The following TMEM117 variants were observed in gnomAD, a reference collection of about 807,000 sequenced individuals.
TMEM117 encodes the protein transmembrane protein 117.
A neutral mutation model predicts 52.4 loss-of-function variants in TMEM117; 27 were observed. The ratio of observed to expected loss-of-function variants is 0.51; its 90% CI spans 0.38 to 0.71. TMEM117 has a LOEUF of 0.71. Among genes scored for constraint, TMEM117 ranks in the 30% least tolerant of loss-of-function variants. The pLI is 0.00. For missense variants in TMEM117, 556 were observed against 630.5 expected, an observed-to-expected ratio of 0.88 and a Z score of 1.26; for synonymous variants, 215 against 206.3, an observed-to-expected ratio of 1.04 and a Z score of -0.36.
chr12:43,869,108 A>C (rs1565727398), intron 2 of TMEM117, among the ~76,000 whole-genome samples: 1 of 152,158 alleles, frequency 6.6e-6, no homozygotes, highest in East Asian at 1.9e-4. Flanking sequence ...AATAGAAAAA[A>C]ATTCTTGATA....
At chr12:44,221,467 G>A (rs1234680318) in intron 5 of TMEM117, among the ~76,000 whole-genome samples, 1 of 151,916 alleles carries the variant, frequency 6.6e-6, no homozygotes, top group Non-Finnish European at 1.5e-5. Flanking sequence ...TTCAGTATAG[G>A]GATAAATCAA....
intron 2 of TMEM117, among the ~76,000 whole-genome samples, chr12:43,850,066 G>A (rs1943279624): frequency 6.6e-6 from 1 of 152,180 alleles, no homozygotes; most frequent in Non-Finnish European, 1.5e-5. Context: ...AGACTGAGGA[G>A]CTGAGAGGCT....
intron 3 of TMEM117, among the ~76,000 whole-genome samples, chr12:43,965,643 G>A (rs1945471902): frequency 1.3e-5 from 2 of 152,158 alleles, no homozygotes. Flanking sequence ...CTGCTTAATG[G>A]TCTGAGCCTT....
intron 4 of TMEM117, among the ~76,000 whole-genome samples, chr12:44,193,980 A>C (rs1360367084): frequency 2.0e-5 from 3 of 152,096 alleles, no homozygotes; most frequent in African/African-American, 7.3e-5. Context: ...AACTAGCAGA[A>C]TCAGACCCAC....
At chr12:44,123,210 A>G (rs1259828101) in intron 3 of TMEM117, among the ~76,000 whole-genome samples, 3 of 150,490 alleles carry the variant, frequency 2.0e-5, no homozygotes, top group Non-Finnish European at 4.4e-5. Context: ...TCTTCTTTTG[A>G]GAAGTGTCTG....
chr12:44,272,556 G>T (rs1053767187), intron 5 of TMEM117, among the ~76,000 whole-genome samples: 2 of 152,044 alleles, frequency 1.3e-5, no homozygotes, highest in African/African-American at 4.8e-5. Flanking sequence ...ACAAGTGGGC[G>T]AAGGATATGA....
intron 2 of TMEM117, among the ~76,000 whole-genome samples, chr12:43,849,478 TTTATCTC>T (rs1276897987): frequency 2.0e-5 from 3 of 152,208 alleles, no homozygotes; most frequent in Non-Finnish European, 4.4e-5. Flanking sequence ...GTTGCAAACT[TTTATCTC>T]TTATACTAAA....
the TMEM117 span, chr12:43,805,708 G>T: frequency 2.1e-6 from 2 of 958,640 alleles, no homozygotes; most frequent in Non-Finnish European, 3.0e-6. Context: ...TTCCTATTTG[G>T]AGAGAAAATG....
intron 2 of TMEM117, among the ~76,000 whole-genome samples, chr12:43,928,864 G>T (rs1422634847): frequency 1.3e-5 from 2 of 151,140 alleles, no homozygotes; most frequent in Non-Finnish European, 2.9e-5. Flanking sequence ...TTGTTCTTGC[G>T]ATAGTTTACT....
At chr12:44,188,500 A>T (rs535729482) in intron 4 of TMEM117, among the ~76,000 whole-genome samples, 1 of 152,264 alleles carries the variant, frequency 6.6e-6, no homozygotes, top group African/African-American at 2.4e-5. Flanking sequence ...GGTTCTTGTC[A>T]GGTACCAGTT....
chr12:43,851,013 G>A (rs1943298907), intron 2 of TMEM117, among the ~76,000 whole-genome samples: 1 of 152,040 alleles, frequency 6.6e-6, no homozygotes, highest in Admixed American at 6.6e-5. Flanking sequence ...CAACTAAACA[G>A]CTTCTTTTTT....
intron 6 of TMEM117, among the ~76,000 whole-genome samples, chr12:44,323,984 T>C (rs1272152832): frequency 6.6e-6 from 1 of 152,134 alleles, no homozygotes; most frequent in Non-Finnish European, 1.5e-5. Flanking sequence ...GTATACTCTA[T>C]TTTTTTCCTG....
intron 2 of TMEM117, among the ~76,000 whole-genome samples, chr12:43,858,045 C>T (rs537470382): frequency 6.6e-6 from 1 of 152,188 alleles, no homozygotes; most frequent in East Asian, 1.9e-4. Context: ...TCTCCAAAGA[C>T]AGGCTTTAGT....
chr12:43,926,330 A>C (rs1944778202), intron 2 of TMEM117, among the ~76,000 whole-genome samples: 1 of 151,978 alleles, frequency 6.6e-6, no homozygotes, highest in Non-Finnish European at 1.5e-5. Flanking sequence ...TAGATTCAAC[A>C]CTCTTCTCCT....
intron 4 of TMEM117, among the ~76,000 whole-genome samples, chr12:44,179,529 G>A (rs1472399432): frequency 6.6e-6 from 1 of 152,190 alleles, no homozygotes; most frequent in East Asian, 1.9e-4. Context: ...GCATGGCAAG[G>A]GAAGAGTGAG....
At chr12:44,014,429 A>G (rs1428497219) in intron 3 of TMEM117, among the ~76,000 whole-genome samples, 2 of 152,166 alleles carry the variant, frequency 1.3e-5, no homozygotes, top group Non-Finnish European at 2.9e-5. Flanking sequence ...GTCTGCTTCC[A>G]GAGAGGATAT....
chr12:44,160,385 C>A (rs1297144180), intron 4 of TMEM117, among the ~76,000 whole-genome samples: 1 of 152,080 alleles, frequency 6.6e-6, no homozygotes, highest in African/African-American at 2.4e-5. Context: ...TTACTAGTTA[C>A]AGTGCAGTAC....
chr12:44,306,868 T>A (rs1950910804), intron 6 of TMEM117, among the ~76,000 whole-genome samples: 1 of 152,240 alleles, frequency 6.6e-6, no homozygotes, highest in East Asian at 1.9e-4. Context: ...TAAATATAAA[T>A]CTGAATAAAT....
chr12:44,197,597 A>G (rs544839330), intron 4 of TMEM117, among the ~76,000 whole-genome samples: 7 of 152,282 alleles, frequency 4.6e-5, no homozygotes, highest in Non-Finnish European at 8.8e-5. Flanking sequence ...CTAAATTACA[A>G]TTCAATGTGG....
Sources: gnomAD v4.1 joint callset for allele counts (sites outside exome capture counted in the v4.1 genomes callset) on GRCh38, gnomAD v4.1.1 for gene constraint, MANE v1.5 for transcripts, NCBI Gene and HGNC (gene_info 2026-07-23, HGNC 2026-07-21) for gene names.